The following PCTP variants were observed in gnomAD, a reference collection of about 807,000 sequenced individuals.
The protein encoded by PCTP is START domain-containing protein 2.
PCTP carries 27 observed loss-of-function variants against 31.0 expected under a neutral mutation model. The ratio of observed to expected loss-of-function variants is 0.87; its 90% CI spans 0.64 to 1.20. PCTP has a LOEUF of 1.20. PCTP is among the 50% of genes most tolerant of loss of function. The pLI, the probability that PCTP is intolerant of heterozygous loss-of-function variation, is 0.00. For missense variants in PCTP, 287 were observed against 268.2 expected (o/e 1.07, Z -0.49); for synonymous variants, 108 against 101.2 (o/e 1.07, Z -0.40).
chr17:55,809,523 CTTTT>C (rs1433337764), intron 3 of PCTP, among the ~76,000 whole-genome samples: 2 of 128,752 alleles, frequency 1.6e-5, no homozygotes, highest in African/African-American at 3.3e-5. Flanking sequence ...TTCTCAGAGT[CTTTT>C]TTTTTTTTTT....
At position 55,773,690 on chromosome 17, in the gene PCTP, T is replaced by C. The variant is rs202197898; in HGVS notation, c.340-34T>C. On this transcript the variant is annotated intron_variant, in intron 3 of 5. Transcript: ENST00000268896. The stretch of plus-strand genomic sequence containing the variant: ...CTTTCCTTCTGTCTGTCTACAATGC[T>C]GGCGTTGGTGTCTTGCCTTAACTGG... The C allele has an allele frequency of 6.5e-5, 102 of 1,580,550 alleles. No homozygotes were observed. In the African/African-American group the frequency reaches 1.1e-3, roughly 17 times the overall value.
intron 3 of PCTP, among the ~76,000 whole-genome samples, chr17:55,802,397 C>G (rs7219267): frequency 0.21 from 31,757 of 151,850 alleles, 3,861 homozygotes; most frequent in African/African-American, 0.34. Flanking sequence ...ACCAAAACCT[C>G]GCAGAGACAG....
chr17:55,846,519 A>T (rs1906154527), downstream of PCTP, among the ~76,000 whole-genome samples: 1 of 152,170 alleles, frequency 6.6e-6, no homozygotes, highest in Non-Finnish European at 1.5e-5. Context: ...GGGGTCAGGG[A>T]AAGGGGAAAT....
chr17:55,809,309 A>G (rs144866671), intron 3 of PCTP, among the ~76,000 whole-genome samples: 6 of 152,256 alleles, frequency 3.9e-5, no homozygotes, highest in Non-Finnish European at 8.8e-5. Flanking sequence ...AAGTTTCTTT[A>G]TATATGATAT....
chr17:55,830,340 G>A (rs1314439962), intron 5 of PCTP, among the ~76,000 whole-genome samples: 1 of 152,142 alleles, frequency 6.6e-6, no homozygotes, highest in Non-Finnish European at 1.5e-5. Context: ...GTTTACCTCT[G>A]ACAATTTTTA....
chr17:55,782,056 G>T (rs1597994368), downstream of PCTP, among the ~76,000 whole-genome samples: 1 of 152,148 alleles, frequency 6.6e-6, no homozygotes, highest in East Asian at 1.9e-4. Flanking sequence ...CAGTCCAAAA[G>T]CTGGCAAGCT....
intron 1 of PCTP, among the ~76,000 whole-genome samples, chr17:55,761,648 C>A (rs1366838305): frequency 6.8e-6 from 1 of 147,716 alleles, no homozygotes; most frequent in Admixed American, 6.8e-5. Flanking sequence ...TATATTTTTT[C>A]TGAGTTAGTT....
intron 1 of PCTP, 200 bp downstream of exon 1, chr17:55,751,444 G>A (rs1263994953): frequency 2.6e-6 from 4 of 1,533,496 alleles, no homozygotes; most frequent in Admixed American, 3.9e-5. Flanking sequence ...TGCAGATCCA[G>A]GGGAGTTGGA....
intron 5 of PCTP, among the ~76,000 whole-genome samples, chr17:55,829,529 C>G (rs768429571): frequency 8.5e-5 from 13 of 152,164 alleles, no homozygotes; most frequent in Non-Finnish European, 1.6e-4. Flanking sequence ...AGGCTGATCT[C>G]AAACTCCTCA....
At chr17:55,849,989 A>C in the PCTP span, among the ~76,000 whole-genome samples, 2 of 152,172 alleles carry the variant, frequency 1.3e-5, no homozygotes. Context: ...ATTAGTTTAT[A>C]TATAAACAGT....
chr17:55,764,236 A>T lies in PCTP; in HGVS notation c.142-3099A>T, dbSNP rs1375619930. ...GTTGGGGAGGTCATTATCTTAACAC[A>T]TAAGAATTCTTGTTGCTTAGAATGT... On this transcript the variant is annotated intron_variant, in intron 1 of 5. Transcript: ENST00000268896. Among the ~76,000 whole-genome samples, 5 of 152,240 alleles carry T rather than the reference A, an allele frequency of 3.3e-5. No individual in the cohort carries two copies. In the East Asian group the frequency reaches 9.6e-4, roughly 29 times the overall value.
chr17:55,780,296 A>T (rs1911516037), downstream of PCTP, among the ~76,000 whole-genome samples: 1 of 152,142 alleles, frequency 6.6e-6, no homozygotes, highest in African/African-American at 2.4e-5. Flanking sequence ...AACAACAATT[A>T]AACAGTACAC....
intron 1 of PCTP, among the ~76,000 whole-genome samples, chr17:55,754,846 T>A (rs1185487358): frequency 6.6e-6 from 1 of 152,096 alleles, no homozygotes. Context: ...TGTGCGCGCG[T>A]GTGTGTATTG....
In PCTP at chr17:55,804,154, A is replaced by G. The variant is rs148050485; in HGVS notation, c.317+16500A>G. Among the ~76,000 whole-genome samples, 6 of 152,332 alleles carry G rather than the reference A, an allele frequency of 3.9e-5. 1 individual carries two copies. In the East Asian group the frequency reaches 1.2e-3, roughly 29 times the overall value. ...ATTAGAGAAATGCAAATCAGAAACC[A>G]CAATTATCAAAACCATCTCACTCCA... On this transcript the variant is annotated intron_variant, in intron 3 of 3. Transcript: ENST00000572536.
At position 55,777,176 on chromosome 17, in the gene PCTP, T is replaced by G. The variant is rs994366090; in HGVS notation, c.*1076T>G. The G allele has an allele frequency of 2.7e-5, 27 of 985,546 alleles. No individual in the cohort carries two copies. Among genetic ancestry groups the G allele is most frequent in the Admixed American group, 6.1e-5 (1 of 16,262 alleles). The allele number at this position is 985,546 out of a possible 1,614,324, so 61.1% of individuals were successfully genotyped here. On this transcript the variant is annotated 3_prime_UTR_variant, in exon 6 of 6. Transcript: ENST00000268896. ...ATTTTGGTAGGGTAAGGTATTTCTA[T>G]GTCAAAGGCACAGCCTTGATGATCT...
intron 3 of PCTP, among the ~76,000 whole-genome samples, chr17:55,822,083 G>A (rs771919187): frequency 9.9e-5 from 15 of 152,176 alleles, no homozygotes; most frequent in Non-Finnish European, 1.8e-4. Flanking sequence ...TATGTCTTGC[G>A]TTTGAAAGTG....
intron 5 of PCTP, among the ~76,000 whole-genome samples, chr17:55,833,819 G>A (rs190796631): frequency 3.4e-4 from 51 of 152,100 alleles, no homozygotes; most frequent in Non-Finnish European, 6.2e-4. Flanking sequence ...TTTTTTTGCC[G>A]TTCCTTAGTT....
chr17:55,822,867 A>C (rs555669587), exon 4 of PCTP: 2 of 1,190,354 alleles, frequency 1.7e-6, no homozygotes, highest in East Asian at 6.4e-5. Context: ...GAGGAAGGAC[A>C]TAAAGATAAA....
At chr17:55,769,445 C>T (rs968571334) in intron 2 of PCTP, 2 of 152,262 alleles carry the variant, frequency 1.3e-5, no homozygotes, top group Admixed American at 6.5e-5. Context: ...ATAAGACCCA[C>T]ATGTGGCTTC....
Sources: gnomAD v4.1 joint callset for allele counts (sites outside exome capture counted in the v4.1 genomes callset) on GRCh38, gnomAD v4.1.1 for gene constraint, MANE v1.5 for transcripts, NCBI Gene and HGNC (gene_info 2026-07-23, HGNC 2026-07-21) for gene names.